The following CLEC16A variants were observed in gnomAD, a reference collection of about 807,000 sequenced individuals.
CLEC16A encodes the protein C-type lectin domain containing 16A, also known as protein CLEC16A.
Under a neutral mutation model 109.5 loss-of-function variants are expected in CLEC16A, and 51 were observed. The ratio of observed to expected loss-of-function variants is 0.47; its 90% CI spans 0.37 to 0.59. The LOEUF is 0.59. CLEC16A is among the 20% of genes least tolerant of loss of function. CLEC16A has a pLI of 0.00. For synonymous variants in CLEC16A, 673 were observed against 564.2 expected (o/e 1.19, Z -2.73); for missense variants, 1,339 against 1,394.0 (o/e 0.96, Z 0.63).
At chr16:11,079,499 A>G (rs1341449775) in intron 19 of CLEC16A, among the ~76,000 whole-genome samples, 1 of 152,212 alleles carries the variant, frequency 6.6e-6, no homozygotes, top group East Asian at 1.9e-4. Flanking sequence ...TCAAGGTGAG[A>G]TAGACTTTCT....
chr16:11,042,310 G>A lies in CLEC16A; in HGVS notation c.1717G>A (p.Val573Ile), dbSNP rs1353252844. 1 of 1,593,844 alleles carries A rather than the reference G, an allele frequency of 6.3e-7. No homozygotes were observed. The highest frequency in any genetic ancestry group is 1.3e-5 in the African/African-American group (1 of 74,562). ...GAGCTGCCTGCTTCTGAAGCAGCAA[G>A]TCCTGATGAGTGCTGGCTGCATCAT... ...ELSCLLLKQQ[V>I]LMSAGCIMKD... Residue 573 changes from valine (V) to isoleucine (I), a missense_variant, in exon 15 of 24, where the codon GTC becomes ATC. Coordinates refer to ENST00000409790, the MANE Select transcript of CLEC16A (RefSeq NM_015226.3).
chr16:10,983,065 A>C (rs561553287), intron 10 of CLEC16A, 74 bp downstream of exon 10: 3 of 829,548 alleles, frequency 3.6e-6, no homozygotes, highest in Non-Finnish European at 4.1e-6. Context: ...GTTTCTCTAA[A>C]ATCAGAAACT....
chr16:10,966,524 G>A (rs2042514611), intron 3 of CLEC16A, among the ~76,000 whole-genome samples: 1 of 152,178 alleles, frequency 6.6e-6, no homozygotes, highest in Non-Finnish European at 1.5e-5. Context: ...TGGGCACTTA[G>A]GGTTATGTAT....
intron 19 of CLEC16A, among the ~76,000 whole-genome samples, chr16:11,119,034 T>C (rs993860854): frequency 6.6e-6 from 1 of 152,216 alleles, no homozygotes; most frequent in Non-Finnish European, 1.5e-5. Flanking sequence ...CAAGGTCTTA[T>C]TCTGTCACCC....
At chr16:11,153,971 C>G (rs1451884677) in intron 22 of CLEC16A, among the ~76,000 whole-genome samples, 1 of 152,184 alleles carries the variant, frequency 6.6e-6, no homozygotes, top group Non-Finnish European at 1.5e-5. Flanking sequence ...AAGACACACA[C>G]CTCCCCATAA....
chr16:11,172,092 A>T (rs2068541081), intron 23 of CLEC16A, among the ~76,000 whole-genome samples: 1 of 152,128 alleles, frequency 6.6e-6, no homozygotes, highest in Non-Finnish European at 1.5e-5. Context: ...GCACATGCTC[A>T]CATACACAAA....
intron 19 of CLEC16A, among the ~76,000 whole-genome samples, chr16:11,102,622 A>G (rs1278077655): frequency 1.3e-5 from 2 of 152,198 alleles, no homozygotes; most frequent in African/African-American, 4.8e-5. Context: ...TTGAGTGACA[A>G]GGAAGCTGAG....
intron 13 of CLEC16A, among the ~76,000 whole-genome samples, chr16:11,030,231 A>T (rs1323804774): frequency 6.6e-6 from 1 of 152,204 alleles, no homozygotes; most frequent in Non-Finnish European, 1.5e-5. Context: ...GAGTTGTATG[A>T]GCATATACAT....
At chr16:11,101,928 G>A (rs186574375) in intron 19 of CLEC16A, among the ~76,000 whole-genome samples, 120 of 150,358 alleles carry the variant, frequency 8.0e-4, no homozygotes, top group African/African-American at 2.9e-3. Context: ...TCAGCCCCCC[G>A]AGTAGCTGGG....
At chr16:11,166,081 T>A (rs1011311006) in intron 22 of CLEC16A, among the ~76,000 whole-genome samples, 15 of 152,210 alleles carry the variant, frequency 9.9e-5, no homozygotes, top group African/African-American at 3.4e-4. Flanking sequence ...CACGTCCCTC[T>A]TCAAGGGCAC....
At chr16:11,022,920 TATA>T (rs2046199958) in intron 12 of CLEC16A, among the ~76,000 whole-genome samples, 1 of 148,920 alleles carries the variant, frequency 6.7e-6, no homozygotes, top group African/African-American at 2.5e-5. Context: ...TATATATATA[TATA>T]TGTATATATA....
At chr16:11,132,515 AACAT>A (rs2053284339) in intron 22 of CLEC16A, among the ~76,000 whole-genome samples, 1 of 152,076 alleles carries the variant, frequency 6.6e-6, no homozygotes, top group Non-Finnish European at 1.5e-5. Context: ...GGTTGCTGCG[AACAT>A]TCGTGCACAA....
chr16:11,151,227 A>T (rs1486854522), intron 22 of CLEC16A, among the ~76,000 whole-genome samples: 1 of 152,242 alleles, frequency 6.6e-6, no homozygotes, highest in African/African-American at 2.4e-5. Flanking sequence ...AAACATCCTT[A>T]TTCAGAAATC....
At position 11,178,462 on chromosome 16, in the gene CLEC16A, C is replaced by G; in HGVS notation, c.2934C>G (p.Ser978Arg). The G allele has an allele frequency of 6.2e-7, 1 of 1,613,628 alleles. No homozygotes were observed. The change falls in exon 24 of 24, where the codon AGC becomes AGG. Residue 978 changes from serine (S) to arginine (R), a missense_variant. Ser to Arg is a moderately radical substitution (Grantham distance 110). This residue lies in a region of CLEC16A where 1,061 missense variants were observed against 1,006.8 expected (regional missense o/e 1.05). Transcript: ENST00000409790. The surrounding 1 kb of genome is among the most constrained non-coding windows in gnomAD (Gnocchi z 6.5). ...GGAGCGCAGCCGTGGAGACAGCCAG[C>G]CTGTCCCCCAGCCTCGTCCCTGCCC... ...VARSAAVETA[S>R]LSPSLVPARQ...
Position 11,061,036 on chromosome 16 carries a change from T to C in CLEC16A, c.2116+14T>C. ...TCCTGGATCTGAGTGAGTTGGCTGCTCTGAGTCACAGCAGGGGGCTGGGGG... is the reference window on the plus strand; with the variant it reads ...TCCTGGATCTGAGTGAGTTGGCTGCCCTGAGTCACAGCAGGGGGCTGGGGG... On this transcript the variant is annotated intron_variant, in intron 19 of 23. Transcript: ENST00000409790. 2.5e-6 allele frequency: 4 copies of C among 1,597,450 alleles called. No individual in the cohort carries two copies. Among genetic ancestry groups the C allele is most frequent in the Non-Finnish European group, 3.4e-6 (4 of 1,173,142 alleles).
rs187905646 is a variant in CLEC16A at position 11,179,158 on chromosome 16, A to T, written c.*468A>T. 3 of 157,162 alleles carry T rather than the reference A, an allele frequency of 1.9e-5. No individual in the cohort carries two copies. The East Asian group carries it at 5.6e-4, about 29-fold the overall frequency. 9.7% of individuals were successfully genotyped at this position (157,162 alleles called of 1,614,324 possible). A position where few individuals can be genotyped will look rare whatever the true frequency, so the allele number is the denominator to read the frequency against. ...TATTTCCGCTTTTGGCAGCAGGTGA[A>T]CATTTATTTTTAAAACTTCTATTTA... On this transcript the variant is annotated 3_prime_UTR_variant, in exon 24 of 24. Coordinates refer to ENST00000409790, the MANE Select transcript of CLEC16A (RefSeq NM_015226.3).
At chr16:11,064,652 C>A (rs1460331501) in intron 19 of CLEC16A, among the ~76,000 whole-genome samples, 2 of 152,174 alleles carry the variant, frequency 1.3e-5, no homozygotes, top group Admixed American at 6.5e-5. Context: ...TGGCAGATAC[C>A]TGTAGTCCCA....
intron 22 of CLEC16A, among the ~76,000 whole-genome samples, chr16:11,151,130 A>G (rs1359251645): frequency 6.6e-6 from 1 of 152,226 alleles, no homozygotes; most frequent in African/African-American, 2.4e-5. Flanking sequence ...GTGAAACACA[A>G]AACAGTCTGA....
intron 13 of CLEC16A, among the ~76,000 whole-genome samples, chr16:11,029,352 A>C (rs1214330133): frequency 6.6e-6 from 1 of 152,020 alleles, no homozygotes; most frequent in African/African-American, 2.4e-5. Flanking sequence ...AGACCAGAAC[A>C]CAGCAAGGTT....
Sources: allele counts gnomAD v4.1 joint callset (sites outside exome capture counted in the v4.1 genomes callset), GRCh38; gene constraint gnomAD v4.1.1; regional missense constraint gnomAD v4.1.1; non-coding constraint Gnocchi (gnomAD v3.1); transcripts MANE v1.5; gene names NCBI Gene and HGNC (gene_info 2026-07-23, HGNC 2026-07-21).